The following TBL1Y variants were observed in gnomAD, a reference collection of about 807,000 sequenced individuals.
The protein encoded by TBL1Y is transducin beta like 1 Y-linked.
A neutral mutation model predicts 12.0 loss-of-function variants in TBL1Y; 15 were observed. That is an observed-to-expected ratio of 1.25 (90% confidence interval 0.83 to 1.92). The LOEUF (loss-of-function observed/expected upper bound fraction) is 1.92, where lower values mean the gene tolerates loss of function less well. TBL1Y is among the 40% of genes most tolerant of loss of function. The pLI, the probability that TBL1Y is intolerant of heterozygous loss-of-function variation, is 0.00. For missense variants in TBL1Y, 148 were observed against 116.7 expected (o/e 1.27, Z -1.24); for synonymous variants, 53 against 42.6 (o/e 1.24, Z -0.95).
intron 8 of TBL1Y, among the ~76,000 whole-genome samples, chrY:7,068,429 T>C (rs774463022): frequency 7.8e-4 from 26 of 33,206 alleles, no homozygotes; most frequent in African/African-American, 3.0e-3. Flanking sequence ...TACATGTGCC[T>C]TGCCCAGAAC....
At chrY:6,989,247 T>G in intron 3 of TBL1Y, among the ~76,000 whole-genome samples, 1 of 32,847 alleles carries the variant, frequency 3.0e-5, no homozygotes, top group African/African-American at 1.2e-4. Context: ...GCTACTCTTC[T>G]TGGACAGAGC....
At chrY:7,014,857 A>G (rs762181965) in intron 4 of TBL1Y, among the ~76,000 whole-genome samples, 2 of 33,210 alleles carry the variant, frequency 6.0e-5, no homozygotes, top group East Asian at 1.6e-3. Flanking sequence ...ATACGAGGAA[A>G]TAATGAATGC....
intron 2 of TBL1Y, among the ~76,000 whole-genome samples, chrY:6,974,222 G>A (rs368031074): frequency 0.015 from 510 of 33,746 alleles, no homozygotes; most frequent in Non-Finnish European, 0.027. Context: ...TGTCAGTGCC[G>A]CAAGGGAAGT....
intron 14 of TBL1Y, among the ~76,000 whole-genome samples, chrY:7,082,870 C>T (rs2124190035): frequency 8.9e-5 from 3 of 33,576 alleles, no homozygotes; most frequent in Admixed American, 2.7e-4. Flanking sequence ...AGGACGATCG[C>T]GTTCCTGGAG....
chrY:7,063,714 TGAAAAGAAATTTAGAAC>T (rs2012919653), intron 7 of TBL1Y, among the ~76,000 whole-genome samples, 166 bp from the exon 8 acceptor site: 2 of 33,327 alleles, frequency 6.0e-5, no homozygotes, highest in African/African-American at 2.4e-4. Context: ...ATTGATTCTT[TGAAAAGAAATTTAGAAC>T]TCATATCTAA....
At chrY:6,940,254 C>CA (rs1489889684) in intron 2 of TBL1Y, among the ~76,000 whole-genome samples, 10 of 25,739 alleles carry the variant, frequency 3.9e-4, no homozygotes, top group South Asian at 9.2e-4. Context: ...GACTCCCTTT[C>CA]AAAAAAAAAA....
In TBL1Y at chrY:7,064,094, T is replaced by C. The variant is rs763328207; in HGVS notation, c.402T>C (p.Pro134=). 141 of 396,268 alleles carry C rather than the reference T, an allele frequency of 3.6e-4. No individual in the cohort carries two copies. In the East Asian group the frequency reaches 0.012, roughly 35 times the overall value. ...CAGCTGCTATTTCCCAGCAAAATCC[T>C]CCAAAGAACCGAGAGGCCACAGTGA... ...MTPAAISQQN[P]PKNREATVNG... The change falls in exon 8 of 19, where the codon CCT becomes CCC. Residue 134 remains proline, a synonymous_variant. Transcript: ENST00000383032.
chrY:6,913,990 T>C, intron 2 of TBL1Y, among the ~76,000 whole-genome samples: 1 of 33,255 alleles, frequency 3.0e-5, no homozygotes, highest in Non-Finnish European at 7.4e-5. Context: ...TTTCATGTAC[T>C]GTGGGGCTGC....
intron 4 of TBL1Y, among the ~76,000 whole-genome samples, chrY:7,017,751 A>G (rs2012559347): frequency 2.9e-5 from 1 of 33,970 alleles, no homozygotes; most frequent in Admixed American, 2.7e-4. Flanking sequence ...GGTGCTATTG[A>G]GTTTGGACAA....
At chrY:6,973,421 A>G (rs2012220409) in intron 2 of TBL1Y, among the ~76,000 whole-genome samples, 1 of 32,930 alleles carries the variant, frequency 3.0e-5, no homozygotes. Context: ...CTCTCATTCA[A>G]TGGGTCAGGG....
At chrY:7,079,821 A>G in intron 13 of TBL1Y, among the ~76,000 whole-genome samples, 1 of 33,637 alleles carries the variant, frequency 3.0e-5, no homozygotes, top group Non-Finnish European at 7.4e-5. Context: ...AGCTCATTGC[A>G]GTGATACTGC....
At chrY:7,062,387 G>C in intron 7 of TBL1Y, among the ~76,000 whole-genome samples, 3 of 33,857 alleles carry the variant, frequency 8.9e-5, no homozygotes, top group African/African-American at 1.2e-4. Flanking sequence ...CCAAACTTTT[G>C]CCAGAAAATT....
chrY:6,997,495 G>A, intron 4 of TBL1Y, among the ~76,000 whole-genome samples: 1 of 33,656 alleles, frequency 3.0e-5, no homozygotes, highest in Non-Finnish European at 7.3e-5. Flanking sequence ...ACTTTAGGCA[G>A]GGGCTTTTCT....
intron 2 of TBL1Y, among the ~76,000 whole-genome samples, chrY:6,958,721 T>C (rs2012088278): frequency 2.4e-4 from 8 of 34,010 alleles, no homozygotes; most frequent in East Asian, 7.9e-4. Context: ...ACTGGACGTG[T>C]ACGTAAGCCA....
chrY:6,946,709 T>A, intron 2 of TBL1Y, among the ~76,000 whole-genome samples: 1 of 33,771 alleles, frequency 3.0e-5, no homozygotes, highest in Non-Finnish European at 7.3e-5. Context: ...TCCACTTGCC[T>A]CAGCCTCCCA....
chrY:7,068,406 T>C, intron 8 of TBL1Y, among the ~76,000 whole-genome samples: 1 of 32,948 alleles, frequency 3.0e-5, no homozygotes, highest in Non-Finnish European at 7.5e-5. Context: ...TTGGAATCCA[T>C]TGTGCTGTGA....
intron 6 of TBL1Y, among the ~76,000 whole-genome samples, chrY:7,031,752 A>T (rs186711202): frequency 8.3e-4 from 28 of 33,762 alleles, no homozygotes; most frequent in African/African-American, 3.2e-3. Flanking sequence ...GAGCTTTGAA[A>T]AGGAAGGAAA....
chrY:7,089,786 C>T (rs2013163425), intron 17 of TBL1Y, among the ~76,000 whole-genome samples: 1 of 32,622 alleles, frequency 3.1e-5, no homozygotes, highest in Non-Finnish European at 7.5e-5. Flanking sequence ...GACTCCCAGA[C>T]ACCTGTCGAG....
chrY:7,058,852 C>G, intron 7 of TBL1Y, among the ~76,000 whole-genome samples: 2 of 32,990 alleles, frequency 6.1e-5, no homozygotes, highest in South Asian at 7.0e-4. Flanking sequence ...ACCTCAGCCC[C>G]CATACCATAA....
Sources: gnomAD v4.1 joint callset for allele counts (sites outside exome capture counted in the v4.1 genomes callset) on GRCh38, gnomAD v4.1.1 for gene constraint, MANE v1.5 for transcripts, NCBI Gene and HGNC (gene_info 2026-07-23, HGNC 2026-07-21) for gene names.